Variants in BCL2L13 observed in about 807,000 individuals in gnomAD.
BCL2L13 encodes the protein bcl-2-like protein 13.
A neutral mutation model predicts 25.8 loss-of-function variants in BCL2L13; 13 were observed. The ratio of observed to expected loss-of-function variants is 0.50; its 90% confidence interval spans 0.33 to 0.80. The LOEUF (loss-of-function observed/expected upper bound fraction) is 0.80. Ranked by LOEUF, BCL2L13 falls within the 30% of genes least tolerant of loss-of-function variation. The pLI, the probability that BCL2L13 is intolerant of heterozygous loss-of-function variation, is 0.02. For synonymous variants in BCL2L13, 244 were observed against 230.3 expected (o/e 1.06, Z -0.54); for missense variants, 504 against 574.9 (o/e 0.88, Z 1.26).
At chr22:17,646,955 A>ATTTTTTTTTTTTT (rs149460093) in intron 1 of BCL2L13, among the ~76,000 whole-genome samples, 12 of 22,188 alleles carry the variant, frequency 5.4e-4, no homozygotes, top group Admixed American at 1.3e-3. Context: ...ATATATATAT[A>ATTTTTTTTTTTTT]TTTTTTTTTT....
intron 3 of BCL2L13, among the ~76,000 whole-genome samples, chr22:17,684,433 A>AGCC (rs1249797908): frequency 6.6e-6 from 1 of 152,244 alleles, no homozygotes; most frequent in Non-Finnish European, 1.5e-5. Flanking sequence ...ACACATTAGC[A>AGCC]GCCACTTCCC....
At chr22:17,650,501 G>A (rs913500279) in intron 1 of BCL2L13, among the ~76,000 whole-genome samples, 1 of 151,992 alleles carries the variant, frequency 6.6e-6, no homozygotes, top group Non-Finnish European at 1.5e-5. Context: ...TGGGAGGCAC[G>A]TTATTTTTCC....
chr22:17,674,453 G>T (rs2059514006), intron 2 of BCL2L13, among the ~76,000 whole-genome samples: 1 of 151,696 alleles, frequency 6.6e-6, no homozygotes, highest in Non-Finnish European at 1.5e-5. Flanking sequence ...AAAAATATAG[G>T]AAATTAGCCA....
intron 4 of BCL2L13, among the ~76,000 whole-genome samples, chr22:17,689,585 C>T (rs1568977410): frequency 6.6e-6 from 1 of 152,178 alleles, no homozygotes; most frequent in East Asian, 1.9e-4. Flanking sequence ...TGGCTCACGC[C>T]TGTAATCCCA....
At chr22:17,646,968 T>A (rs1260415970) in intron 1 of BCL2L13, among the ~76,000 whole-genome samples, 12 of 117,198 alleles carry the variant, frequency 1.0e-4, no homozygotes, top group South Asian at 6.3e-4. Flanking sequence ...TTTTTTTTTT[T>A]TTTTTTTTTT....
intron 1 of BCL2L13, among the ~76,000 whole-genome samples, chr22:17,646,349 C>T (rs2058471115): frequency 6.6e-6 from 1 of 151,324 alleles, no homozygotes; most frequent in East Asian, 1.9e-4. Context: ...TGGGTTCAGG[C>T]GATTCACCTG....
chr22:17,668,415 T>C (rs899188604), intron 2 of BCL2L13, among the ~76,000 whole-genome samples: 4 of 152,028 alleles, frequency 2.6e-5, no homozygotes, highest in Non-Finnish European at 5.9e-5. Flanking sequence ...CTGAGAATTT[T>C]ATAGTTTTAG....
intron 1 of BCL2L13, among the ~76,000 whole-genome samples, chr22:17,640,066 A>T (rs2058218922): frequency 6.6e-6 from 1 of 151,962 alleles, no homozygotes; most frequent in Non-Finnish European, 1.5e-5. Flanking sequence ...GTTGGTCAGG[A>T]TGGTCTCGAA....
intron 2 of BCL2L13, among the ~76,000 whole-genome samples, chr22:17,669,194 G>T (rs769750419): frequency 2.6e-5 from 4 of 151,662 alleles, no homozygotes; most frequent in Admixed American, 2.6e-4. Flanking sequence ...CACCACACCC[G>T]GCTAGTTTTT....
chr22:17,672,223 A>G (rs2059440119), intron 2 of BCL2L13, among the ~76,000 whole-genome samples: 1 of 152,242 alleles, frequency 6.6e-6, no homozygotes, highest in African/African-American at 2.4e-5. Context: ...CCCTAGACCT[A>G]CAGGACCAGA....
At chr22:17,689,842 C>CAAAA (rs66645091) in intron 4 of BCL2L13, among the ~76,000 whole-genome samples, 2 of 97,458 alleles carry the variant, frequency 2.1e-5, no homozygotes, top group African/African-American at 3.9e-5. Flanking sequence ...GACTCCATCT[C>CAAAA]AAAAAAAAAA....
At position 17,661,155 on chromosome 22, in the gene BCL2L13, C is replaced by T. The variant is rs564024116; in HGVS notation, c.121+5323C>T. 1.4e-4 allele frequency among the ~76,000 whole-genome samples: 20 copies of T among 145,712 alleles called. 2 individuals are homozygous for T. Among genetic ancestry groups the T allele is most frequent in the Admixed American group, 1.1e-3 (16 of 14,526 alleles). On this transcript the variant is annotated intron_variant, in intron 2 of 6. Coordinates refer to ENST00000317582, the MANE Select transcript of BCL2L13 (RefSeq NM_015367.4). Reference sequence around the variant, plus strand: ...TCACCCAGGTTAGAGTGCAGTGGCACGTTCTCAGCTCACTGCAACCTCTGC... The same window carrying T: ...TCACCCAGGTTAGAGTGCAGTGGCATGTTCTCAGCTCACTGCAACCTCTGC...
rs1462024221 is a variant in BCL2L13 at position 17,720,220 on chromosome 22, G to A, written c.601-6457G>A. On this transcript the variant is annotated intron_variant, in intron 6 of 6. Transcript: ENST00000317582. ...GTCTCGTTCTGTCATTCAGGCTGCA[G>A]TGCAGTGGCACGATCATGGCTCACT... Among the ~76,000 whole-genome samples, 4 of 119,214 alleles carry A rather than the reference G, an allele frequency of 3.4e-5. 1 individual carries two copies. Among genetic ancestry groups the A allele is most frequent in the Non-Finnish European group, 7.1e-5 (4 of 56,114 alleles). 78.2% of individuals were successfully genotyped at this position (119,214 alleles called of 152,430 possible). A position where few individuals can be genotyped will look rare whatever the true frequency, so the allele number is the denominator to read the frequency against.
intron 2 of BCL2L13, among the ~76,000 whole-genome samples, chr22:17,668,011 G>A: frequency 1.0e-5 from 1 of 99,200 alleles, no homozygotes; most frequent in Non-Finnish European, 2.1e-5. Flanking sequence ...GCTTGTAGTT[G>A]CCTATTCTTT....
intron 2 of BCL2L13, among the ~76,000 whole-genome samples, chr22:17,664,085 G>A (rs1431597188): frequency 1.3e-5 from 2 of 152,182 alleles, no homozygotes; most frequent in Non-Finnish European, 2.9e-5. Flanking sequence ...CTGACCTCAG[G>A]TGACCCACCT....
In BCL2L13 at chr22:17,671,311, G is replaced by A. The variant is rs187262097; in HGVS notation, c.122-11903G>A. On this transcript the variant is annotated intron_variant, in intron 2 of 6. Coordinates refer to ENST00000317582, the MANE Select transcript of BCL2L13 (RefSeq NM_015367.4). ...GGGAAGGCCGAGGCAGGAGAATGGC[G>A]TGTACCCGGGAGACAGAGCTTGCAG... 2.5e-3 allele frequency among the ~76,000 whole-genome samples: 370 copies of A among 150,962 alleles called. 2 individuals carry two copies. The highest frequency in any genetic ancestry group is 8.5e-3 in the African/African-American group (347 of 41,050).
chr22:17,655,298 C>G (rs929496708), intron 1 of BCL2L13, among the ~76,000 whole-genome samples: 20 of 144,084 alleles, frequency 1.4e-4, no homozygotes, highest in South Asian at 4.4e-4. Context: ...CTTTACAGTT[C>G]ACTTTTTTTT....
At chr22:17,642,209 C>T (rs1487111503) in intron 1 of BCL2L13, among the ~76,000 whole-genome samples, 10 of 147,862 alleles carry the variant, frequency 6.8e-5, no homozygotes, top group African/African-American at 1.3e-4. Context: ...ACTGCAACCT[C>T]GGACTCCCAG....
At chr22:17,720,199 C>T (rs926599290) in intron 6 of BCL2L13, among the ~76,000 whole-genome samples, 11 of 52,276 alleles carry the variant, frequency 2.1e-4, no homozygotes, top group African/African-American at 3.4e-4. Flanking sequence ...GACAGGGTCT[C>T]GTTCTGTCAT....
Sources: allele counts gnomAD v4.1 joint callset (sites outside exome capture counted in the v4.1 genomes callset), GRCh38; gene constraint gnomAD v4.1.1; transcripts MANE v1.5; gene names NCBI Gene and HGNC (gene_info 2026-07-23, HGNC 2026-07-21).